The following PYGL variants were observed in gnomAD, a reference collection of about 807,000 sequenced individuals.
The protein encoded by PYGL is glycogen phosphorylase, liver form.
Under a neutral mutation model 100.1 loss-of-function variants are expected in PYGL, and 90 were observed. The observed-to-expected ratio is 0.90, with a 90% confidence interval of 0.76 to 1.07. PYGL has a LOEUF of 1.07. Ranked by LOEUF, PYGL falls within the 50% of genes least tolerant of loss-of-function variation. The pLI is 0.00. For missense variants in PYGL, 1,016 were observed against 1,057.6 expected, an observed-to-expected ratio of 0.96 and a Z score of 0.55; for synonymous variants, 373 against 393.0, an observed-to-expected ratio of 0.95 and a Z score of 0.60.
chr14:50,928,951 A>G (rs759295204), intron 4 of PYGL, among the ~76,000 whole-genome samples: 2 of 152,234 alleles, frequency 1.3e-5, no homozygotes, highest in Non-Finnish European at 2.9e-5. Context: ...GGTAAGTAAA[A>G]TTATATACCC....
intron 4 of PYGL, among the ~76,000 whole-genome samples, chr14:50,929,712 T>C (rs1441556547): frequency 1.3e-5 from 2 of 152,220 alleles, no homozygotes; most frequent in Non-Finnish European, 2.9e-5. Context: ...TGTTGTTTGG[T>C]TAGGTTGTGT....
At chr14:50,913,799 C>T (rs772942306) in intron 12 of PYGL, among the ~76,000 whole-genome samples, 4 of 152,158 alleles carry the variant, frequency 2.6e-5, no homozygotes, top group Non-Finnish European at 4.4e-5. Flanking sequence ...AAGCAATCCT[C>T]TTGCCTCAGC....
intron 1 of PYGL, among the ~76,000 whole-genome samples, chr14:50,941,511 T>C (rs1227323671): frequency 6.6e-6 from 1 of 151,906 alleles, no homozygotes; most frequent in Non-Finnish European, 1.5e-5. Flanking sequence ...TCAACAGAAA[T>C]TGGCAAACAG....
intron 11 of PYGL, 113 bp downstream of exon 11, chr14:50,915,223 T>C (rs1352768740): frequency 1.5e-6 from 2 of 1,322,742 alleles, no homozygotes; most frequent in African/African-American, 2.9e-5. Flanking sequence ...AGAAAATACT[T>C]TTAAACATTT....
At chr14:50,920,647 T>G (rs1301352250) in intron 6 of PYGL, 24 bp from the exon 7 acceptor site, 1 of 1,575,462 alleles carries the variant, frequency 6.3e-7, no homozygotes, top group East Asian at 2.2e-5. Flanking sequence ...AGAGAAACAA[T>G]AAATAGAGAA....
rs2050458224 is a variant in PYGL at position 50,916,992 on chromosome 14, T to C, written c.969A>G (p.Ala323=). Reference sequence around the variant, plus strand: ...CCGGGAAGGCATCAAACACAGTTCCTGCACCACGGGTGGAGCCAAACTTGG... The same window carrying C: ...CCGGGAAGGCATCAAACACAGTTCCCGCACCACGGGTGGAGCCAAACTTGG... The part of the protein sequence containing the change: ...KASKFGSTRG[A]GTVFDAFPDQ... Residue 323 remains alanine (A), a synonymous_variant, in exon 8 of 20, where the codon GCA becomes GCG. Transcript: ENST00000216392. 1.9e-6 allele frequency: 3 copies of C among 1,614,234 alleles called. No individual in the cohort carries two copies. The highest frequency in any genetic ancestry group is 2.7e-5 in the African/African-American group (2 of 75,072).
At chr14:50,934,651 A>ATG (rs1469122141) in intron 3 of PYGL, among the ~76,000 whole-genome samples, 1 of 151,456 alleles carries the variant, frequency 6.6e-6, no homozygotes, top group African/African-American at 2.4e-5. Flanking sequence ...ATGTGTGTGT[A>ATG]TGTGTGTGTA....
chr14:50,916,696 C>A lies in PYGL; in HGVS notation c.1038G>T (p.Ala346=), dbSNP rs759759626. The A allele has an allele frequency of 4.3e-6, 7 of 1,614,192 alleles. No individual in the cohort carries two copies. The highest frequency in any genetic ancestry group is 5.9e-6 in the Non-Finnish European group (7 of 1,179,998). The change falls in exon 9 of 20, where the codon GCG becomes GCT. Residue 346 remains alanine (A), a synonymous_variant. Coordinates refer to ENST00000216392, the MANE Select transcript of PYGL (RefSeq NM_002863.5). ...IQLNDTHPAL[A]IPELMRIFVD... is the part of the protein sequence containing the mutation. ...CAAAAATCCTCATCAGCTCAGGGAT[C>A]GCGAGTGCAGGGTGAGTGTCATTCA...
chr14:50,921,338 T>A, intron 5 of PYGL: 2 of 445,236 alleles, frequency 4.5e-6, no homozygotes, highest in Non-Finnish European at 8.2e-6. Context: ...CATGTGCCCT[T>A]GCCCTGATAT....
intron 3 of PYGL, 53 bp downstream of exon 3, chr14:50,935,054 C>A: frequency 6.6e-7 from 1 of 1,505,424 alleles, no homozygotes; most frequent in South Asian, 1.1e-5. Flanking sequence ...TGCATGGCAT[C>A]TGAGATGTCT....
intron 1 of PYGL, among the ~76,000 whole-genome samples, chr14:50,940,732 C>T (rs2050695509): frequency 6.6e-6 from 1 of 151,980 alleles, no homozygotes; most frequent in East Asian, 1.9e-4. Context: ...ACTATGATTA[C>T]TAGTATTTTA....
Position 50,912,079 on chromosome 14 carries a change from G to A in PYGL, c.1769-43C>T, listed in dbSNP as rs763342377. 9.9e-6 allele frequency: 16 copies of A among 1,612,670 alleles called. No individual in the cohort carries two copies. In the South Asian group the frequency reaches 1.1e-4, roughly 11 times the overall value. On this transcript the variant is annotated intron_variant, in intron 14 of 19. Transcript: ENST00000216392. ...GTGGATGAAATGGAAGACAGCTGAC[G>A]GTCAGGGCAGTGAGACCTATGCTGA...
At chr14:50,924,466 G>C (rs1486721326) in intron 4 of PYGL, among the ~76,000 whole-genome samples, 1 of 152,142 alleles carries the variant, frequency 6.6e-6, no homozygotes, top group African/African-American at 2.4e-5. Flanking sequence ...CAATTGTCCA[G>C]CTTCAGCTAA....
chr14:50,913,998 G>A (rs2050422904), intron 12 of PYGL, among the ~76,000 whole-genome samples: 1 of 151,934 alleles, frequency 6.6e-6, no homozygotes, highest in African/African-American at 2.4e-5. Context: ...CATCACACCC[G>A]GCCAGCTTCA....
chr14:50,916,572 A>G, intron 9 of PYGL, 70 bp downstream of exon 9: 1 of 1,353,694 alleles, frequency 7.4e-7, no homozygotes, highest in Non-Finnish European at 1.1e-6. Context: ...CTAAAAAGGG[A>G]GTTTTTGGCA....
At chr14:50,912,389 C>T in intron 13 of PYGL, 86 bp from the exon 14 acceptor site, 1 of 1,519,192 alleles carries the variant, frequency 6.6e-7, no homozygotes, top group Non-Finnish European at 9.0e-7. Flanking sequence ...GACGGAGTCT[C>T]ACTCTTTTGC....
intron 8 of PYGL, 100 bp downstream of exon 8, chr14:50,916,862 G>C: frequency 6.4e-7 from 1 of 1,553,704 alleles, no homozygotes; most frequent in Non-Finnish European, 8.9e-7. Context: ...CACTATTCCT[G>C]CTCAACGTTG....
intron 5 of PYGL, among the ~76,000 whole-genome samples, chr14:50,922,645 C>G (rs751956622): frequency 2.6e-5 from 4 of 152,182 alleles, no homozygotes; most frequent in Non-Finnish European, 2.9e-5. Flanking sequence ...CTCTGGGACA[C>G]TCCATGTGGC....
chr14:50,910,183 G>T, intron 16 of PYGL, 81 bp from the exon 17 acceptor site: 7 of 1,445,338 alleles, frequency 4.8e-6, no homozygotes, highest in Non-Finnish European at 5.8e-6. Flanking sequence ...ATTAAGTTGG[G>T]CTGTTTTGAT....
Sources: gnomAD v4.1 joint callset for allele counts (sites outside exome capture counted in the v4.1 genomes callset) on GRCh38, gnomAD v4.1.1 for gene constraint, MANE v1.5 for transcripts, NCBI Gene and HGNC (gene_info 2026-07-23, HGNC 2026-07-21) for gene names.